PCCA: variants seen among roughly 807,000 people sequenced by gnomAD.
PCCA encodes the protein propionyl-CoA carboxylase alpha chain, mitochondrial.
A neutral mutation model predicts 101.3 loss-of-function variants in PCCA; 74 were observed. The observed-to-expected ratio is 0.73, with a 90% confidence interval of 0.61 to 0.89. PCCA has a LOEUF of 0.89. Ranked by LOEUF, PCCA falls within the 40% of genes least tolerant of loss-of-function variation. PCCA has a pLI of 0.00. For synonymous variants in PCCA, 294 were observed against 313.6 expected, an observed-to-expected ratio of 0.94 and a Z score of 0.66; for missense variants, 891 against 907.0, an observed-to-expected ratio of 0.98 and a Z score of 0.23.
At chr13:100,436,965 T>C (rs1054999642) in intron 20 of PCCA, among the ~76,000 whole-genome samples, 4 of 152,240 alleles carry the variant, frequency 2.6e-5, no homozygotes, top group African/African-American at 9.6e-5. Flanking sequence ...CCCAAGGACT[T>C]GCCCACAGAG....
chr13:100,234,206 A>C (rs2152519343), intron 7 of PCCA, among the ~76,000 whole-genome samples: 1 of 152,326 alleles, frequency 6.6e-6, no homozygotes, highest in African/African-American at 2.4e-5. Context: ...ATTAAGGGGA[A>C]GTATTCTCCA....
rs576573707 is a variant in PCCA, at chr13:100,330,065, A to G, written c.1430-496A>G. Among the ~76,000 whole-genome samples, 14 of 152,330 alleles carry G rather than the reference A, an allele frequency of 9.2e-5. No individual in the cohort carries two copies. The South Asian group carries it at 1.7e-3, about 18-fold the overall frequency. On this transcript the variant is annotated intron_variant, in intron 16 of 23. Coordinates refer to ENST00000376285, the MANE Select transcript of PCCA (RefSeq NM_000282.4). The stretch of plus-strand genomic sequence containing the variant: ...GGCATATTCACCTGACCTCTCGCCA[A>G]CCAACCACCACTTCAAGCATCTCAA...
chr13:100,524,139 A>G (rs997887532), intron 22 of PCCA, among the ~76,000 whole-genome samples: 3 of 152,190 alleles, frequency 2.0e-5, no homozygotes, highest in African/African-American at 7.2e-5. Flanking sequence ...CCAAAGTCCT[A>G]AGGTGAGAGC....
At chr13:100,448,261 C>T (rs1468547680) in intron 20 of PCCA, among the ~76,000 whole-genome samples, 1 of 152,170 alleles carries the variant, frequency 6.6e-6, no homozygotes, top group Non-Finnish European at 1.5e-5. Context: ...GATCTTGGCC[C>T]ACCACAACCT....
intron 4 of PCCA, among the ~76,000 whole-genome samples, chr13:100,141,491 A>C (rs2051867746): frequency 1.3e-5 from 2 of 151,754 alleles, no homozygotes; most frequent in South Asian, 4.2e-4. Context: ...GCTCACTGCA[A>C]CCTCCACCTC....
At chr13:100,339,914 A>T (rs557675591) in intron 17 of PCCA, among the ~76,000 whole-genome samples, 15 of 152,156 alleles carry the variant, frequency 9.9e-5, no homozygotes, top group Non-Finnish European at 2.1e-4. Flanking sequence ...CATCTGTTGA[A>T]TATCTTCTTT....
At chr13:100,328,403 T>TG (rs1201029347) in intron 16 of PCCA, among the ~76,000 whole-genome samples, 18 of 147,984 alleles carry the variant, frequency 1.2e-4, no homozygotes, top group African/African-American at 4.2e-4. Flanking sequence ...ATAATAATAA[T>TG]AATGATGATA....
At chr13:100,308,283 G>A (rs1299902503) in intron 15 of PCCA, among the ~76,000 whole-genome samples, 2 of 152,124 alleles carry the variant, frequency 1.3e-5, no homozygotes, top group African/African-American at 4.8e-5. Flanking sequence ...TGTTATAGTT[G>A]CAGTAAACAA....
At chr13:100,091,572 T>TA (rs2046283446) in intron 1 of PCCA, among the ~76,000 whole-genome samples, 1 of 152,196 alleles carries the variant, frequency 6.6e-6, no homozygotes, top group South Asian at 2.1e-4. Flanking sequence ...AAATATGCTC[T>TA]ACTGAGTCTG....
chr13:100,110,602 T>G (rs1191105005), intron 2 of PCCA, among the ~76,000 whole-genome samples: 2 of 152,204 alleles, frequency 1.3e-5, no homozygotes, highest in African/African-American at 4.8e-5. Flanking sequence ...TGTAATCTGC[T>G]TAGTCTGGGC....
At chr13:100,126,708 A>G (rs1210252476) in intron 4 of PCCA, among the ~76,000 whole-genome samples, 2 of 152,214 alleles carry the variant, frequency 1.3e-5, no homozygotes, top group Non-Finnish European at 2.9e-5. Context: ...CCTTTTAGAA[A>G]ATAAATTGAA....
intron 6 of PCCA, among the ~76,000 whole-genome samples, chr13:100,178,695 A>C (rs2056463985): frequency 6.6e-6 from 1 of 152,130 alleles, no homozygotes; most frequent in Admixed American, 6.5e-5. Context: ...GTTTTCTGTA[A>C]TATTTTTCTT....
chr13:100,475,902 T>A (rs1289262920), intron 21 of PCCA, among the ~76,000 whole-genome samples: 2 of 152,220 alleles, frequency 1.3e-5, no homozygotes, highest in East Asian at 3.8e-4. Flanking sequence ...TCCCTAGAAA[T>A]CATAATTAAT....
At chr13:100,375,984 C>T (rs1257690842) in intron 19 of PCCA, among the ~76,000 whole-genome samples, 13 of 152,218 alleles carry the variant, frequency 8.5e-5, no homozygotes, top group Admixed American at 8.5e-4. Flanking sequence ...GATTTATCTA[C>T]CTTTTGTCTT....
chr13:100,100,192 C>T (rs761463030), intron 1 of PCCA, among the ~76,000 whole-genome samples: 1 of 152,160 alleles, frequency 6.6e-6, no homozygotes, highest in South Asian at 2.1e-4. Context: ...CTCAATGACT[C>T]ACAGCTGAGA....
chr13:100,403,724 GA>G (rs1446285936), intron 19 of PCCA, among the ~76,000 whole-genome samples: 2 of 151,422 alleles, frequency 1.3e-5, no homozygotes, highest in Admixed American at 6.6e-5. Flanking sequence ...GGGTGAAAAG[GA>G]AAAAAAACGG....
At chr13:100,269,640 G>A (rs952180664) in intron 11 of PCCA, among the ~76,000 whole-genome samples, 28 of 152,120 alleles carry the variant, frequency 1.8e-4, no homozygotes, top group African/African-American at 6.8e-4. Context: ...AAAATCCTCA[G>A]GTGAGTGTTC....
chr13:100,327,580 C>T (rs1258443462), intron 16 of PCCA, among the ~76,000 whole-genome samples: 1 of 152,160 alleles, frequency 6.6e-6, no homozygotes, highest in Non-Finnish European at 1.5e-5. Context: ...TTTAACTTGA[C>T]TTAATACGTA....
chr13:100,512,636 C>T (rs893760762), intron 21 of PCCA, among the ~76,000 whole-genome samples: 1 of 152,212 alleles, frequency 6.6e-6, no homozygotes, highest in Non-Finnish European at 1.5e-5. Context: ...CTGTCACCCA[C>T]GCTGGCATGT....
Sources: gnomAD v4.1 joint callset for allele counts (sites outside exome capture counted in the v4.1 genomes callset) on GRCh38, gnomAD v4.1.1 for gene constraint, MANE v1.5 for transcripts, NCBI Gene and HGNC (gene_info 2026-07-23, HGNC 2026-07-21) for gene names.